Variants in SLIT3 observed in about 807,000 individuals in gnomAD.
The protein encoded by SLIT3 is slit guidance ligand 3, also known as slit homolog 3 protein.
SLIT3 carries 68 observed loss-of-function variants against 184.0 expected under a neutral mutation model. The ratio of observed to expected loss-of-function variants is 0.37; its 90% CI spans 0.30 to 0.45. The LOEUF (loss-of-function observed/expected upper bound fraction) is 0.45, where lower values mean the gene tolerates loss of function less well. Among genes scored for constraint, SLIT3 ranks in the 20% least tolerant of loss-of-function variants. The pLI is 1.00. For synonymous variants in SLIT3, 831 were observed against 828.6 expected, an observed-to-expected ratio of 1.00 and a Z score of -0.05; for missense variants, 1,707 against 2,026.0, an observed-to-expected ratio of 0.84 and a Z score of 3.02.
intron 3 of SLIT3, among the ~76,000 whole-genome samples, chr5:169,225,334 A>T (rs185484709): frequency 6.6e-6 from 1 of 152,222 alleles, no homozygotes; most frequent in African/African-American, 2.4e-5. Flanking sequence ...AAATCTCTCT[A>T]ACTGGAGATG....
rs764351814 is a variant in SLIT3, at chr5:169,300,553, G to A, written c.157C>T (p.Arg53Cys). 5 of 1,510,320 alleles carry A rather than the reference G, an allele frequency of 3.3e-6. No homozygotes were observed. In the South Asian group the frequency reaches 3.7e-5, roughly 11 times the overall value. The allele number at this position is 1,510,320 out of a possible 1,614,324, so 93.6% of individuals were successfully genotyped here. A position where few individuals can be genotyped will look rare whatever the true frequency, so the allele number is the denominator to read the frequency against. ...ASVDCHGLGL[R>C]AVPRGIPRNA... ...CGGGGGATGCCCCGAGGAACCGCGCGGAGGCCCAGCCCGTGGCAGTCCACG... is the reference window on the plus strand; with the variant it reads ...CGGGGGATGCCCCGAGGAACCGCGCAGAGGCCCAGCCCGTGGCAGTCCACG... The change falls in exon 1 of 36, where the codon CGC (arginine) becomes TGC (cysteine). Residue 53 changes from arginine (R) to cysteine (C), a missense_variant. Around this residue, in one of 3 missense-constraint regions of SLIT3, gnomAD observed 1,307 missense variants for 1,511.6 expected, o/e 0.86. Transcript: ENST00000519560. This position sits in a 1 kb window ranked among gnomAD's most constrained non-coding sequence, Gnocchi z 4.1.
At chr5:168,776,660 C>T (rs1198937289) in intron 12 of SLIT3, among the ~76,000 whole-genome samples, 1 of 152,142 alleles carries the variant, frequency 6.6e-6, no homozygotes, top group Non-Finnish European at 1.5e-5. Context: ...TGCAACATCC[C>T]TCCCCCCTGC....
intron 10 of SLIT3, among the ~76,000 whole-genome samples, chr5:168,793,484 G>A (rs1216306462): frequency 6.6e-6 from 1 of 152,008 alleles, no homozygotes; most frequent in East Asian, 1.9e-4. Context: ...CTTCTCTATT[G>A]CCATCCTCTT....
At chr5:169,099,492 T>A (rs1034227494) in intron 4 of SLIT3, among the ~76,000 whole-genome samples, 6 of 152,264 alleles carry the variant, frequency 3.9e-5, no homozygotes, top group African/African-American at 1.4e-4. Flanking sequence ...TAGCAACTAC[T>A]GTGTGCTCTT....
intron 4 of SLIT3, among the ~76,000 whole-genome samples, chr5:169,014,307 T>A (rs1209306971): frequency 2.6e-5 from 4 of 152,128 alleles, no homozygotes; most frequent in Admixed American, 2.6e-4. Context: ...GCTATATATA[T>A]CCAGAAAATT....
intron 5 of SLIT3, among the ~76,000 whole-genome samples, chr5:168,853,875 C>T (rs981991539): frequency 2.6e-5 from 4 of 152,178 alleles, no homozygotes; most frequent in African/African-American, 9.7e-5. Flanking sequence ...TGTGAAATCC[C>T]TCCTCATTCA....
chr5:168,964,204 C>A (rs1763107505), intron 4 of SLIT3, among the ~76,000 whole-genome samples: 1 of 152,212 alleles, frequency 6.6e-6, no homozygotes, highest in African/African-American at 2.4e-5. Context: ...GTAGCACAAT[C>A]AAGATTTTTT....
intron 1 of SLIT3, among the ~76,000 whole-genome samples, chr5:169,255,411 G>A (rs1048298701): frequency 2.0e-5 from 3 of 152,118 alleles, no homozygotes; most frequent in African/African-American, 7.2e-5. Flanking sequence ...TCCTGACCCT[G>A]TGTAGACCTA....
At chr5:169,115,519 A>T (rs1194543017) in intron 4 of SLIT3, among the ~76,000 whole-genome samples, 1 of 152,170 alleles carries the variant, frequency 6.6e-6, no homozygotes, top group African/African-American at 2.4e-5. Flanking sequence ...GGAAACTGAG[A>T]CACAGGCACA....
In SLIT3 at chr5:169,032,048, C is replaced by T. The variant is rs576583500; in HGVS notation, c.414-148712G>A. On this transcript the variant is annotated intron_variant, in intron 4 of 35. Transcript: ENST00000519560. ...GCACCTCCATGTCCTGGATGTGTAA[C>T]GTAGGACAGGCCACATAACCAACCC... is the stretch of plus-strand genomic sequence containing the variant. Among the ~76,000 whole-genome samples, 6 of 152,258 alleles carry T rather than the reference C, an allele frequency of 3.9e-5. No homozygotes were observed. The South Asian group carries it at 1.0e-3, about 26-fold the overall frequency.
chr5:169,180,102 T>C (rs915301806), intron 4 of SLIT3, among the ~76,000 whole-genome samples: 8 of 152,164 alleles, frequency 5.3e-5, no homozygotes, highest in Non-Finnish European at 1.2e-4. Flanking sequence ...GGACCATGAC[T>C]GCAGACAGGG....
At chr5:168,907,979 T>TATAGAG (rs376418381) in intron 4 of SLIT3, among the ~76,000 whole-genome samples, 7 of 50,082 alleles carry the variant, frequency 1.4e-4, no homozygotes, top group African/African-American at 6.3e-4. Context: ...TATATATATA[T>TATAGAG]AGAGAGAGAG....
At chr5:168,672,756 G>C (rs575348229) in intron 33 of SLIT3, among the ~76,000 whole-genome samples, 2 of 152,182 alleles carry the variant, frequency 1.3e-5, no homozygotes, top group African/African-American at 2.4e-5. Context: ...TTACAGGTGT[G>C]AGCCACTGCA....
Position 168,749,709 on chromosome 5 carries a change from C to T in SLIT3, c.1974-74G>A, listed in dbSNP as rs1188604519. Reference sequence around the variant, plus strand: ...GGCCCTGGGATCTGCTGCCCAGAGCCCAGCTCTCCTAGCCAGGAAGGAGGA... The same window carrying T: ...GGCCCTGGGATCTGCTGCCCAGAGCTCAGCTCTCCTAGCCAGGAAGGAGGA... On this transcript the variant is annotated intron_variant, in intron 18 of 35. Transcript: ENST00000519560. 2.0e-6 allele frequency: 3 copies of T among 1,522,198 alleles called. No individual in the cohort carries two copies. The East Asian group carries it at 6.8e-5, about 34-fold the overall frequency. The allele number at this position is 1,522,198 out of a possible 1,614,324, so 94.3% of individuals were successfully genotyped here.
chr5:168,722,323 G>A lies in SLIT3; in HGVS notation c.2416C>T (p.Leu806=), dbSNP rs1210164967. ...SNMSHLSTLI[L]SYNRLRCIPV... ...ATGCACCTCAGCCGGTTGTAGCTCA[G>A]GATCCTGTGGAAAAGGAGGCATGTG... The change falls in exon 23 of 36, where the codon CTG becomes TTG. Residue 806 remains leucine (L), a synonymous_variant. Transcript: ENST00000519560. 6 of 1,614,014 alleles carry A rather than the reference G, an allele frequency of 3.7e-6. No homozygotes were observed. Among genetic ancestry groups the A allele is most frequent in the Non-Finnish European group, 1.7e-6 (2 of 1,180,024 alleles).
intron 14 of SLIT3, among the ~76,000 whole-genome samples, chr5:168,765,229 G>A (rs1169719142): frequency 6.6e-6 from 1 of 152,192 alleles, no homozygotes; most frequent in African/African-American, 2.4e-5. Flanking sequence ...CAAGGTGAGA[G>A]CAGCCTGTAG....
chr5:168,842,447 T>G (rs1758292079), intron 6 of SLIT3, among the ~76,000 whole-genome samples: 1 of 150,254 alleles, frequency 6.7e-6, no homozygotes. Context: ...AGACACCTGG[T>G]GCATCTGGAT....
At chr5:168,767,886 G>A (rs75267934) in intron 14 of SLIT3, among the ~76,000 whole-genome samples, 2 of 152,272 alleles carry the variant, frequency 1.3e-5, no homozygotes, top group East Asian at 1.9e-4. Context: ...CTTGAACCTA[G>A]TTATTACTCC....
At chr5:169,250,575 G>A (rs1385323989) in intron 2 of SLIT3, among the ~76,000 whole-genome samples, 1 of 152,136 alleles carries the variant, frequency 6.6e-6, no homozygotes, top group Non-Finnish European at 1.5e-5. Context: ...GTAAAAAGAA[G>A]GTAGCTTCAG....
Sources: gnomAD v4.1 joint callset for allele counts (sites outside exome capture counted in the v4.1 genomes callset) on GRCh38, gnomAD v4.1.1 for gene constraint, gnomAD v4.1.1 regional missense constraint, Gnocchi (gnomAD v3.1) non-coding constraint, MANE v1.5 for transcripts, NCBI Gene and HGNC (gene_info 2026-07-23, HGNC 2026-07-21) for gene names.